RTN1: variants seen among roughly 807,000 people sequenced by gnomAD.
RTN1 encodes reticulon 1.
RTN1 carries 25 observed loss-of-function variants against 65.5 expected under a neutral mutation model. The ratio of observed to expected loss-of-function variants is 0.38; its 90% confidence interval spans 0.28 to 0.53. The LOEUF (loss-of-function observed/expected upper bound fraction) is 0.53, where lower values mean the gene tolerates loss of function less well. RTN1 is among the 20% of genes least tolerant of loss of function. The probability of loss-of-function intolerance (pLI) is 0.79; values close to 1 mark genes in which losing one functional copy is unlikely to be tolerated. For synonymous variants in RTN1, 471 were observed against 447.6 expected (o/e 1.05, Z -0.66); for missense variants, 983 against 1,025.4 (o/e 0.96, Z 0.57).
At chr14:59,798,945 C>A (rs1294210642) in intron 1 of RTN1, among the ~76,000 whole-genome samples, 1 of 152,108 alleles carries the variant, frequency 6.6e-6, no homozygotes, top group African/African-American at 2.4e-5. Context: ...TTAGCACTCC[C>A]ATAACAGTTA....
At chr14:59,714,526 C>T (rs1884493420) in intron 3 of RTN1, among the ~76,000 whole-genome samples, 1 of 152,138 alleles carries the variant, frequency 6.6e-6, no homozygotes, top group African/African-American at 2.4e-5. Context: ...TCCCCTTGGT[C>T]TAGAGCCTTG....
intron 8 of RTN1, among the ~76,000 whole-genome samples, chr14:59,598,429 C>T (rs924897677): frequency 6.6e-6 from 1 of 152,144 alleles, no homozygotes; most frequent in Non-Finnish European, 1.5e-5. Context: ...GTCTATCAGA[C>T]ACTTTAGAGA....
intron 1 of RTN1, among the ~76,000 whole-genome samples, chr14:59,828,530 C>T (rs1887072397): frequency 6.6e-6 from 1 of 152,068 alleles, no homozygotes; most frequent in Admixed American, 6.5e-5. Flanking sequence ...ATTATGGGGC[C>T]CAGAGGGAAG....
intron 1 of RTN1, among the ~76,000 whole-genome samples, chr14:59,765,258 C>T (rs10138288): frequency 0.088 from 13,345 of 152,016 alleles, 1,817 homozygotes; most frequent in African/African-American, 0.29. Flanking sequence ...AGTAGGGTGA[C>T]CTTTAAAGAG....
intron 1 of RTN1, among the ~76,000 whole-genome samples, chr14:59,830,764 G>A (rs1053448470): frequency 2.6e-5 from 4 of 152,186 alleles, no homozygotes; most frequent in Non-Finnish European, 5.9e-5. Flanking sequence ...GATGGTAATG[G>A]ATTTAGTTCA....
intron 3 of RTN1, among the ~76,000 whole-genome samples, chr14:59,669,614 T>TA (rs1883458129): frequency 6.6e-6 from 1 of 151,588 alleles, no homozygotes; most frequent in Admixed American, 6.6e-5. Flanking sequence ...ATATAAAAAA[T>TA]AAAAAATAAA....
intron 1 of RTN1, among the ~76,000 whole-genome samples, chr14:59,859,199 C>T (rs968811583): frequency 1.3e-5 from 2 of 152,202 alleles, no homozygotes; most frequent in Non-Finnish European, 2.9e-5. Flanking sequence ...TGTGTCCCCA[C>T]CCAAATCTCA....
intron 3 of RTN1, among the ~76,000 whole-genome samples, chr14:59,637,330 T>C (rs1391245223): frequency 6.6e-6 from 1 of 152,220 alleles, no homozygotes; most frequent in Admixed American, 6.5e-5. Context: ...ATCTTTGGGC[T>C]CTACTTCTAA....
intron 1 of RTN1, among the ~76,000 whole-genome samples, chr14:59,792,278 A>G (rs1886362412): frequency 6.6e-6 from 1 of 152,014 alleles, no homozygotes; most frequent in Non-Finnish European, 1.5e-5. Flanking sequence ...GTACTCCCAG[A>G]AGCAGCTCTA....
intron 3 of RTN1, among the ~76,000 whole-genome samples, chr14:59,710,685 A>G (rs1362985546): frequency 1.3e-5 from 2 of 152,190 alleles, no homozygotes; most frequent in African/African-American, 2.4e-5. Context: ...CATGCACTAC[A>G]GGCCCACCAG....
rs536658351 is a variant in RTN1 at position 59,626,644 on chromosome 14, A to G, written c.1766-19152T>C. ...AAGTGTTAAAAGAATAGGCTTCATG[A>G]TCATAATGTTCTGTGTTCAGAACCC... On this transcript the variant is annotated intron_variant, in intron 3 of 8. Coordinates refer to ENST00000267484, the MANE Select transcript of RTN1 (RefSeq NM_021136.3). Among the ~76,000 whole-genome samples, 3 of 152,334 alleles carry G rather than the reference A, an allele frequency of 2.0e-5. No individual in the cohort carries two copies. In the East Asian group the frequency reaches 5.8e-4, roughly 29 times the overall value.
intron 1 of RTN1, among the ~76,000 whole-genome samples, chr14:59,769,170 G>T (rs550933715): frequency 6.6e-6 from 1 of 152,212 alleles, no homozygotes; most frequent in African/African-American, 2.4e-5. Flanking sequence ...AAGAATGAAA[G>T]TTCTCTCTAG....
chr14:59,793,280 G>C (rs1255247184), intron 1 of RTN1, among the ~76,000 whole-genome samples: 1 of 152,166 alleles, frequency 6.6e-6, no homozygotes, highest in Non-Finnish European at 1.5e-5. Context: ...TGATTACCCA[G>C]TGGTATTCAT....
At chr14:59,746,656 C>T (rs964960309) in intron 1 of RTN1, among the ~76,000 whole-genome samples, 175 bp from the exon 2 acceptor site, 3 of 152,034 alleles carry the variant, frequency 2.0e-5, no homozygotes, top group Admixed American at 6.6e-5. Flanking sequence ...CTAATCTCCC[C>T]GATAGTCCAT....
intron 1 of RTN1, among the ~76,000 whole-genome samples, chr14:59,749,234 A>C (rs1158017480): frequency 1.2e-5 from 1 of 83,430 alleles, no homozygotes; most frequent in African/African-American, 8.0e-5. Context: ...ATATCTATAT[A>C]TATCTATATA....
chr14:59,847,576 G>A (rs1887432245), intron 1 of RTN1, among the ~76,000 whole-genome samples: 1 of 152,182 alleles, frequency 6.6e-6, no homozygotes, highest in African/African-American at 2.4e-5. Flanking sequence ...TTTAAAATGT[G>A]TGTCATTTTC....
At chr14:59,805,356 T>C (rs1333719470) in intron 1 of RTN1, among the ~76,000 whole-genome samples, 1 of 152,178 alleles carries the variant, frequency 6.6e-6, no homozygotes, top group African/African-American at 2.4e-5. Flanking sequence ...TCTGAAACAG[T>C]TTCTGACACA....
At chr14:59,641,577 G>A (rs1024261413) in intron 3 of RTN1, among the ~76,000 whole-genome samples, 3 of 151,980 alleles carry the variant, frequency 2.0e-5, no homozygotes, top group African/African-American at 7.3e-5. Context: ...TACCATGTTG[G>A]TCAGGCTAGT....
intron 1 of RTN1, among the ~76,000 whole-genome samples, chr14:59,832,955 G>A (rs1887151495): frequency 6.6e-6 from 1 of 152,044 alleles, no homozygotes; most frequent in South Asian, 2.1e-4. Context: ...TTTCCTCCTT[G>A]TGGAGTCCAT....
Sources: gnomAD v4.1 joint callset for allele counts (sites outside exome capture counted in the v4.1 genomes callset) on GRCh38, gnomAD v4.1.1 for gene constraint, MANE v1.5 for transcripts, NCBI Gene and HGNC (gene_info 2026-07-23, HGNC 2026-07-21) for gene names.